NUMA1: variants seen among roughly 807,000 people sequenced by gnomAD.
NUMA1 encodes the protein SP-H antigen.
NUMA1 carries 62 observed loss-of-function variants against 237.1 expected under a neutral mutation model. The ratio of observed to expected loss-of-function variants is 0.26; its 90% confidence interval spans 0.21 to 0.32. The LOEUF (loss-of-function observed/expected upper bound fraction) is 0.32, where lower values mean the gene tolerates loss of function less well. Ranked by LOEUF, NUMA1 falls within the 10% of genes least tolerant of loss-of-function variation. The pLI, the probability that NUMA1 is intolerant of heterozygous loss-of-function variation, is 1.00. For synonymous variants in NUMA1, 1,028 were observed against 1,066.1 expected, an observed-to-expected ratio of 0.96 and a Z score of 0.70; for missense variants, 2,533 against 2,666.5, an observed-to-expected ratio of 0.95 and a Z score of 1.10.
intron 17 of NUMA1, among the ~76,000 whole-genome samples, chr11:72,009,916 G>C (rs1956031676): frequency 6.6e-6 from 1 of 152,300 alleles, no homozygotes; most frequent in East Asian, 1.9e-4. Flanking sequence ...AACTCCAAAA[G>C]CCCATGGGGG....
At chr11:72,033,192 T>C (rs1040019318) in intron 3 of NUMA1, among the ~76,000 whole-genome samples, 1 of 152,132 alleles carries the variant, frequency 6.6e-6, no homozygotes, top group Admixed American at 6.5e-5. Context: ...TGCTATGTTA[T>C]AGGTTGGAGT....
chr11:72,024,021 A>C (rs564499134), intron 5 of NUMA1: 1 of 427,834 alleles, frequency 2.3e-6, no homozygotes, highest in East Asian at 4.0e-5. Context: ...ACAGGTCCCA[A>C]AAAGTAACCT....
chr11:72,054,998 G>A (rs1367870839), intron 2 of NUMA1, among the ~76,000 whole-genome samples: 1 of 152,066 alleles, frequency 6.6e-6, no homozygotes, highest in African/African-American at 2.4e-5. Context: ...AAAACTTTAG[G>A]AGAAATTCCA....
intron 3 of NUMA1, among the ~76,000 whole-genome samples, chr11:72,030,052 G>T (rs1367918552): frequency 2.0e-5 from 3 of 152,004 alleles, no homozygotes; most frequent in African/African-American, 7.2e-5. Flanking sequence ...GGGGTGGAGG[G>T]AGCCAAGCGC....
rs60321659 is a variant in NUMA1, at chr11:72,060,058, G to C, written c.-33+9784C>G. On this transcript the variant is annotated intron_variant, in intron 2 of 26. Transcript: ENST00000393695. ...TAAACATGAGGGTTCAGAGATGCTA[G>C]AGTGACACAACCAGTAAGTCCAGAC... 4.3e-3 allele frequency among the ~76,000 whole-genome samples: 656 copies of C among 152,272 alleles called. 18 individuals carry two copies. The highest frequency in any genetic ancestry group is 0.027 in the East Asian group (139 of 5,180).
In NUMA1 at chr11:72,014,377, A is replaced by G; in HGVS notation, c.3126T>C (p.Arg1042=). Residue 1042 remains arginine, a synonymous_variant, in exon 15 of 27, where the codon CGT becomes CGC. Transcript: ENST00000393695. The surrounding 1 kb of genome is among the most constrained non-coding windows in gnomAD (Gnocchi z 4.6). The stretch of plus-strand genomic sequence containing the variant: ...CCTCTTGCAGGGTAGCGAACTCCAC[A>G]CGCTGCTCGTTGAGGGCGTTCTGCA... ...MRLQNALNEQ[R]VEFATLQEAL... 6.2e-7 allele frequency: 1 copy of G among 1,612,712 alleles called. No individual in the cohort carries two copies. The highest frequency in any genetic ancestry group is 8.5e-7 in the Non-Finnish European group (1 of 1,179,994).
chr11:72,074,663 C>T (rs1943623472), intron 1 of NUMA1, among the ~76,000 whole-genome samples: 1 of 152,108 alleles, frequency 6.6e-6, no homozygotes, highest in Admixed American at 6.5e-5. Context: ...AGCTTGAGTC[C>T]AGGAGATCGA....
chr11:72,026,661 A>G (rs1465800231), intron 4 of NUMA1, among the ~76,000 whole-genome samples: 1 of 152,030 alleles, frequency 6.6e-6, no homozygotes, highest in African/African-American at 2.4e-5. Context: ...TTAATTTTTT[A>G]AAGAATTATT....
chr11:72,061,324 G>A (rs1274868130), intron 2 of NUMA1, among the ~76,000 whole-genome samples: 1 of 152,054 alleles, frequency 6.6e-6, no homozygotes, highest in Non-Finnish European at 1.5e-5. Context: ...ACAGTGTGTG[G>A]CTCATTTTCA....
chr11:72,014,198 G>C lies in NUMA1; in HGVS notation c.3305C>G (p.Ala1102Gly). The change falls in exon 15 of 27, where the codon GCA (alanine) becomes GGA (glycine). Residue 1102 changes from alanine (A) to glycine (G), a missense_variant. By Grantham distance (60) the Ala-to-Gly change is moderately conservative. Around this residue, in one of 3 missense-constraint regions of NUMA1, gnomAD observed 1,414 missense variants for 1,508.1 expected, o/e 0.94. Transcript: ENST00000393695. This position sits in a 1 kb window ranked among gnomAD's most constrained non-coding sequence, Gnocchi z 4.6. ...EQLAKKEKEH[A>G]SGSGAQSEAA... ...CTCAGATTGGGCTCCTGAGCCAGAT[G>C]CGTGCTCCTTTTCTTTCTTAGCCAG... 6.2e-7 allele frequency: 1 copy of C among 1,613,988 alleles called. No homozygotes were observed. Among genetic ancestry groups the C allele is most frequent in the Non-Finnish European group, 8.5e-7 (1 of 1,180,048 alleles).
Position 72,003,473 on chromosome 11 carries a change from C to T in NUMA1, c.*54G>A, listed in dbSNP as rs762857415. The T allele has an allele frequency of 5.7e-6, 9 of 1,570,864 alleles. No individual in the cohort carries two copies. Among genetic ancestry groups the T allele is most frequent in the Non-Finnish European group, 7.0e-6 (8 of 1,140,300 alleles). ...CTGAGAGGGACAGTAGGCGGAGGAC[C>T]AGGTGAGGTCAGCATCGGGGACACA... On this transcript the variant is annotated 3_prime_UTR_variant, in exon 27 of 27. Transcript: ENST00000393695.
intron 3 of NUMA1, among the ~76,000 whole-genome samples, chr11:72,035,346 C>G (rs1005752307): frequency 2.6e-5 from 4 of 151,976 alleles, no homozygotes; most frequent in African/African-American, 7.3e-5. Flanking sequence ...AGATTAAAGG[C>G]CTTTGAAGAC....
At chr11:72,039,947 A>G (rs1299906813) in intron 2 of NUMA1, 1 of 152,134 alleles carries the variant, frequency 6.6e-6, no homozygotes, top group Non-Finnish European at 1.5e-5. Flanking sequence ...GGGCCAAGCC[A>G]CCTTGCCCTA....
At position 72,015,106 on chromosome 11, in the gene NUMA1, A is replaced by T; in HGVS notation, c.2397T>A (p.Ala799=). ...LAEAMAAQHT[A]ESECEQLVKE... ...TGACGAGCTGCTCACACTCACTCTCAGCTGTGTGCTGGGCAGCCATGGCCT... is the reference window on the plus strand; with the variant it reads ...TGACGAGCTGCTCACACTCACTCTCTGCTGTGTGCTGGGCAGCCATGGCCT... Residue 799 remains alanine, a synonymous_variant, in exon 15 of 27, where the codon GCT becomes GCA. Coordinates refer to ENST00000393695, the MANE Select transcript of NUMA1 (RefSeq NM_006185.4). This position sits in a 1 kb window ranked among gnomAD's most constrained non-coding sequence, Gnocchi z 4.0. 1 of 1,613,690 alleles carries T rather than the reference A, an allele frequency of 6.2e-7. No individual in the cohort carries two copies. The highest frequency in any genetic ancestry group is 1.6e-4 in the Middle Eastern group (1 of 6,062).
chr11:72,058,915 G>A (rs1425411446), intron 2 of NUMA1, among the ~76,000 whole-genome samples: 2 of 152,172 alleles, frequency 1.3e-5, no homozygotes, highest in African/African-American at 4.8e-5. Flanking sequence ...ATCCTGGCAA[G>A]TGCAGACAGG....
intron 4 of NUMA1, among the ~76,000 whole-genome samples, chr11:72,028,130 C>T (rs1939811667): frequency 6.6e-6 from 1 of 152,220 alleles, no homozygotes; most frequent in Non-Finnish European, 1.5e-5. Context: ...GGCCACTTGG[C>T]CCCGCTAGAC....
chr11:72,041,658 T>C (rs964282839), intron 2 of NUMA1: 1 of 152,190 alleles, frequency 6.6e-6, no homozygotes, highest in Non-Finnish European at 1.5e-5. Flanking sequence ...GGCCCTCTGA[T>C]CGGGGGCACC....
At chr11:72,037,627 T>C (rs934552462) in intron 2 of NUMA1, among the ~76,000 whole-genome samples, 3 of 152,234 alleles carry the variant, frequency 2.0e-5, no homozygotes, top group Admixed American at 6.5e-5. Context: ...ATTAAACATA[T>C]GTGAAGCACT....
rs1320715442 is a variant in NUMA1, at chr11:72,015,938, G to A, written c.1565C>T (p.Ala522Val). 2 of 1,614,190 alleles carry A rather than the reference G, an allele frequency of 1.2e-6. No homozygotes were observed. The highest frequency in any genetic ancestry group is 2.2e-5 in the East Asian group (1 of 44,880). ...CTCTTTGGCCTGCTGCTTCAGGCCA[G>A]CCAGTTCTTGATCCTGTTGCTGGAT... ...ATIQQQDQEL[A>V]GLKQQAKEKQ... is the part of the protein sequence containing the mutation. Residue 522 changes from alanine to valine, a missense_variant, in exon 15 of 27, where the codon GCT (alanine) becomes GTT (valine). By Grantham distance (64) the Ala-to-Val change is moderately conservative. This residue lies in a region of NUMA1 where 1,414 missense variants were observed against 1,508.1 expected (regional missense o/e 0.94). Transcript: ENST00000393695. This position sits in a 1 kb window ranked among gnomAD's most constrained non-coding sequence, Gnocchi z 4.0.
Sources: allele counts gnomAD v4.1 joint callset (sites outside exome capture counted in the v4.1 genomes callset), GRCh38; gene constraint gnomAD v4.1.1; regional missense constraint gnomAD v4.1.1; non-coding constraint Gnocchi (gnomAD v3.1); transcripts MANE v1.5; gene names NCBI Gene and HGNC (gene_info 2026-07-23, HGNC 2026-07-21).